The following SEMA3A variants were observed in gnomAD, a reference collection of about 807,000 sequenced individuals.
The protein encoded by SEMA3A is semaphorin 3A, also known as semaphorin-3A.
Under a neutral mutation model 97.9 loss-of-function variants are expected in SEMA3A, and 29 were observed. That is an observed-to-expected ratio of 0.30 (90% CI 0.22 to 0.40). SEMA3A has a LOEUF of 0.40. Ranked by LOEUF, SEMA3A falls within the 10% of genes least tolerant of loss-of-function variation. SEMA3A has a pLI of 1.00. For synonymous variants in SEMA3A, 321 were observed against 323.7 expected (o/e 0.99, Z 0.09); for missense variants, 763 against 951.3 (o/e 0.80, Z 2.60).
chr7:84,487,724 G>C (rs755615980), intron 1 of SEMA3A, among the ~76,000 whole-genome samples: 6 of 152,056 alleles, frequency 3.9e-5, no homozygotes, highest in Non-Finnish European at 8.8e-5. Context: ...AAGGTATTTA[G>C]AGCTTTCAGA....
chr7:84,295,327 A>C (rs1198266194), intron 3 of SEMA3A, among the ~76,000 whole-genome samples: 1 of 152,116 alleles, frequency 6.6e-6, no homozygotes, highest in South Asian at 2.1e-4. Flanking sequence ...ATATCCTTGC[A>C]TTAAGCCAAC....
chr7:84,420,689 C>T (rs554291256), intron 1 of SEMA3A, among the ~76,000 whole-genome samples: 1 of 152,048 alleles, frequency 6.6e-6, no homozygotes, highest in African/African-American at 2.4e-5. Context: ...ACAAGCATAT[C>T]ATTTAAAGTC....
At chr7:84,126,496 G>A (rs112790701) in intron 3 of SEMA3A, among the ~76,000 whole-genome samples, 348 of 152,220 alleles carry the variant, frequency 2.3e-3, no homozygotes, top group African/African-American at 7.8e-3. Context: ...ATGGGCTACC[G>A]CGCCCGGATG....
chr7:84,432,958 T>C (rs1805023751), intron 1 of SEMA3A, among the ~76,000 whole-genome samples: 1 of 152,006 alleles, frequency 6.6e-6, no homozygotes, highest in Admixed American at 6.6e-5. Context: ...TTAAGTTATT[T>C]GAAAAATTAT....
chr7:84,220,348 T>C (rs1208708901), intron 3 of SEMA3A, among the ~76,000 whole-genome samples: 1 of 152,156 alleles, frequency 6.6e-6, no homozygotes, highest in Non-Finnish European at 1.5e-5. Flanking sequence ...CTTAAAATCC[T>C]CAAAGTCATC....
chr7:84,185,692 GAAAAAAAAAA>G (rs71078810), intron 1 of SEMA3A, among the ~76,000 whole-genome samples: 1 of 78,132 alleles, frequency 1.3e-5, no homozygotes, highest in Non-Finnish European at 2.3e-5. Context: ...ACTCTGGCAG[GAAAAAAAAAA>G]AAAAAAAAAA....
intron 1 of SEMA3A, among the ~76,000 whole-genome samples, chr7:84,419,934 A>T (rs1804539834): frequency 6.6e-6 from 1 of 152,166 alleles, no homozygotes; most frequent in Non-Finnish European, 1.5e-5. Context: ...TCCGGCATTC[A>T]AGGAAATTTC....
intron 2 of SEMA3A, among the ~76,000 whole-genome samples, chr7:84,370,507 G>A (rs1337381823): frequency 6.6e-6 from 1 of 151,424 alleles, no homozygotes; most frequent in African/African-American, 2.4e-5. Flanking sequence ...GATTTGATAG[G>A]CCTCAAATAC....
At chr7:84,241,867 G>C (rs1293499020) in intron 3 of SEMA3A, among the ~76,000 whole-genome samples, 3 of 152,026 alleles carry the variant, frequency 2.0e-5, no homozygotes, top group Non-Finnish European at 4.4e-5. Context: ...TTTCCCAAAA[G>C]CATTTATTAA....
chr7:84,368,030 ATGT>A (rs1211056395), intron 2 of SEMA3A, among the ~76,000 whole-genome samples: 1 of 151,256 alleles, frequency 6.6e-6, no homozygotes, highest in Non-Finnish European at 1.5e-5. Context: ...GCTTTCAAGG[ATGT>A]TGTAACTTGA....
chr7:84,393,518 T>A (rs1054560814), intron 1 of SEMA3A, among the ~76,000 whole-genome samples: 4 of 152,146 alleles, frequency 2.6e-5, no homozygotes, highest in African/African-American at 7.2e-5. Flanking sequence ...TGGAACAGAA[T>A]ACAGAGCACA....
At chr7:84,415,555 G>C (rs1259093438) in intron 1 of SEMA3A, among the ~76,000 whole-genome samples, 1 of 151,974 alleles carries the variant, frequency 6.6e-6, no homozygotes, top group Non-Finnish European at 1.5e-5. Flanking sequence ...GATACCACTT[G>C]GGGAAGGCAG....
At chr7:84,159,734 C>G (rs1796968358) in intron 1 of SEMA3A, among the ~76,000 whole-genome samples, 1 of 152,104 alleles carries the variant, frequency 6.6e-6, no homozygotes, top group East Asian at 1.9e-4. Context: ...TAGTTAGACC[C>G]TTAGCTCTTG....
chr7:84,405,026 T>A (rs2905619), intron 1 of SEMA3A, among the ~76,000 whole-genome samples: 48,321 of 151,810 alleles, frequency 0.32, 9,213 homozygotes, highest in African/African-American at 0.54. Flanking sequence ...AATGACAGGA[T>A]CAAATTCACA....
At chr7:84,206,957 T>C (rs553825326) in intron 3 of SEMA3A, among the ~76,000 whole-genome samples, 4 of 152,194 alleles carry the variant, frequency 2.6e-5, no homozygotes, top group African/African-American at 9.6e-5. Context: ...CCTTTAAATA[T>C]TCAATTATTT....
In SEMA3A at chr7:84,073,607, G is replaced by A. The variant is rs540749756; in HGVS notation, c.454-13049C>T. Reference sequence around the variant, plus strand: ...TTAGTTGCAGAACAATAGCATCAAAGAGGTGCAATATGATGATGAATCTGA... The same window carrying A: ...TTAGTTGCAGAACAATAGCATCAAAAAGGTGCAATATGATGATGAATCTGA... On this transcript the variant is annotated intron_variant, in intron 4 of 16. Transcript: ENST00000265362. 5.7e-4 allele frequency among the ~76,000 whole-genome samples: 87 copies of A among 152,218 alleles called. No individual in the cohort carries two copies. The Middle Eastern group carries it at 0.014, about 24-fold the overall frequency.
intron 9 of SEMA3A, among the ~76,000 whole-genome samples, chr7:84,007,813 T>C (rs917633159): frequency 5.3e-5 from 8 of 152,128 alleles, no homozygotes; most frequent in Non-Finnish European, 1.0e-4. Context: ...TAAATGAATA[T>C]GTAATTTTAA....
intron 4 of SEMA3A, among the ~76,000 whole-genome samples, chr7:84,062,836 C>CT (rs1554317047): frequency 1.4e-5 from 2 of 142,190 alleles, no homozygotes; most frequent in Admixed American, 7.0e-5. Context: ...CGCAGCGAGG[C>CT]GGGGGGAGGG....
rs77166844 is a variant in SEMA3A, at chr7:84,423,595, A to G, written c.-245-51695T>C. On this transcript the variant is annotated intron_variant, in intron 1 of 3. Transcript: ENST00000424555. ...TTTTGTCGAAATAGATAGTTATATC[A>G]TCTATATCTATATTTAAACCTATAT... is the stretch of plus-strand genomic sequence containing the variant. 0.014 allele frequency among the ~76,000 whole-genome samples: 2,115 copies of G among 152,154 alleles called. 81 individuals carry two copies. In the East Asian group the frequency reaches 0.16, roughly 11 times the overall value.
Sources: allele counts gnomAD v4.1 joint callset (sites outside exome capture counted in the v4.1 genomes callset), GRCh38; gene constraint gnomAD v4.1.1; transcripts MANE v1.5; gene names NCBI Gene and HGNC (gene_info 2026-07-23, HGNC 2026-07-21).